Variants in GPAM observed in about 807,000 individuals in gnomAD.
The protein encoded by GPAM is glycerol-3-phosphate acyltransferase 1, mitochondrial.
GPAM carries 56 observed loss-of-function variants against 105.0 expected under a neutral mutation model. That is an observed-to-expected ratio of 0.53 (90% CI 0.43 to 0.67). The LOEUF is 0.67. GPAM is among the 30% of genes least tolerant of loss of function. The probability of loss-of-function intolerance (pLI) is 0.00; values close to 1 mark genes in which losing one functional copy is unlikely to be tolerated. For synonymous variants in GPAM, 368 were observed against 354.4 expected (o/e 1.04, Z -0.43); for missense variants, 855 against 989.8 (o/e 0.86, Z 1.83).
At chr10:112,179,173 T>C (rs745901065) in intron 4 of GPAM, among the ~76,000 whole-genome samples, 4 of 152,194 alleles carry the variant, frequency 2.6e-5, no homozygotes, top group South Asian at 2.1e-4. Context: ...GATCATGTCA[T>C]GGAAGTAATT....
upstream of GPAM, among the ~76,000 whole-genome samples, chr10:112,185,575 C>CACACACACAG (rs1847584722): frequency 1.6e-3 from 1 of 628 alleles, no homozygotes; most frequent in African/African-American, 4.5e-3. Context: ...CACACAGACA[C>CACACACACAG]ACACACACAC....
chr10:112,175,915 A>G (rs1003689800), intron 5 of GPAM, among the ~76,000 whole-genome samples: 1 of 152,200 alleles, frequency 6.6e-6, no homozygotes, highest in African/African-American at 2.4e-5. Flanking sequence ...TAAAACTGAA[A>G]CTTGGAATTT....
chr10:112,199,732 G>C (rs1357142098), intron 1 of GPAM, among the ~76,000 whole-genome samples: 12 of 152,138 alleles, frequency 7.9e-5, no homozygotes, highest in Admixed American at 7.9e-4. Context: ...AGGTAAATGA[G>C]GAGCAAAGTC....
intron 5 of GPAM, 49 bp from the exon 6 acceptor site, chr10:112,175,762 G>T: frequency 8.7e-7 from 1 of 1,145,566 alleles, no homozygotes; most frequent in Non-Finnish European, 1.3e-6. Context: ...CCTAAAACAA[G>T]TTGCTTAAAT....
rs150134813 is a variant in GPAM at position 112,153,828 on chromosome 10, T to C, written c.2371-162A>G. 5,823 of 701,168 alleles carry C rather than the reference T, an allele frequency of 8.3e-3. 76 individuals carry two copies. Among genetic ancestry groups the C allele is most frequent in the Non-Finnish European group, 8.5e-3 (3,621 of 428,416 alleles). 43.4% of individuals were successfully genotyped at this position (701,168 alleles called of 1,614,324 possible). A position where few individuals can be genotyped will look rare whatever the true frequency, so the allele number is the denominator to read the frequency against. ...ATGTATGCCTGGGTGTGTGTGAGCA[T>C]GAGGTGGGAGTTTCCAATGCAAACA... On this transcript the variant is annotated intron_variant, in intron 21 of 21. Coordinates refer to ENST00000348367, the MANE Select transcript of GPAM (RefSeq NM_001244949.2).
intron 1 of GPAM, among the ~76,000 whole-genome samples, chr10:112,203,847 C>A (rs761437656): frequency 6.6e-5 from 10 of 152,172 alleles, no homozygotes; most frequent in Non-Finnish European, 1.2e-4. Flanking sequence ...GAGTAGGTGG[C>A]AAAGCTGGGA....
chr10:112,159,042 A>G (rs1204137317), intron 17 of GPAM, among the ~76,000 whole-genome samples: 1 of 152,124 alleles, frequency 6.6e-6, no homozygotes, highest in Non-Finnish European at 1.5e-5. Context: ...GAATTCAAAT[A>G]AAATATGAAT....
chr10:112,207,810 C>T (rs1327184130), intron 1 of GPAM, among the ~76,000 whole-genome samples: 1 of 152,136 alleles, frequency 6.6e-6, no homozygotes, highest in African/African-American at 2.4e-5. Context: ...AAGCACTCAA[C>T]CCAAGCATGA....
rs61559173 is a variant in GPAM at position 112,173,219 on chromosome 10, C to G, written c.561-153G>C. 3.3e-5 allele frequency among the ~76,000 whole-genome samples: 5 copies of G among 151,350 alleles called. No individual in the cohort carries two copies. The East Asian group carries it at 9.8e-4, about 30-fold the overall frequency. ...CTTAGTGTGTGTGCACATGCATGCACGTATGTCTGAATTGCTGAACTAGAG... is the reference window on the plus strand; with the variant it reads ...CTTAGTGTGTGTGCACATGCATGCAGGTATGTCTGAATTGCTGAACTAGAG... On this transcript the variant is annotated intron_variant, in intron 7 of 21. Transcript: ENST00000348367.
At chr10:112,166,873 C>T (rs968013813) in intron 11 of GPAM, among the ~76,000 whole-genome samples, 2 of 152,070 alleles carry the variant, frequency 1.3e-5, no homozygotes, top group Non-Finnish European at 2.9e-5. Context: ...AATAAAACAT[C>T]AAAGAGGCCA....
intron 1 of GPAM, chr10:112,214,175 C>G (rs1229303956): frequency 6.6e-6 from 1 of 152,146 alleles, no homozygotes; most frequent in Non-Finnish European, 1.5e-5. Flanking sequence ...TGGATACCAA[C>G]ACTGGGAATT....
chr10:112,178,328 T>G (rs61872276), intron 4 of GPAM, among the ~76,000 whole-genome samples: 16,967 of 152,124 alleles, frequency 0.11, 1,099 homozygotes, highest in South Asian at 0.2. Flanking sequence ...AGCGGGCAGA[T>G]CACCTGAGGT....
At chr10:112,213,017 C>G (rs1847929592) in intron 1 of GPAM, among the ~76,000 whole-genome samples, 1 of 152,214 alleles carries the variant, frequency 6.6e-6, no homozygotes, top group South Asian at 2.1e-4. Context: ...CAGAGCAGAT[C>G]TCAGAACTGA....
intron 1 of GPAM, among the ~76,000 whole-genome samples, chr10:112,183,385 C>G (rs1296566523): frequency 6.6e-6 from 1 of 152,254 alleles, no homozygotes; most frequent in Non-Finnish European, 1.5e-5. Context: ...TCCCTAGGGA[C>G]CCAGGCGGGC....
At chr10:112,197,223 C>T (rs1249142396) in intron 1 of GPAM, among the ~76,000 whole-genome samples, 1 of 152,126 alleles carries the variant, frequency 6.6e-6, no homozygotes, top group Non-Finnish European at 1.5e-5. Context: ...GAAATTTTAA[C>T]CTCCCAGAGA....
intron 15 of GPAM, 84 bp downstream of exon 15, chr10:112,161,583 A>C (rs1224690129): frequency 8.9e-7 from 1 of 1,126,570 alleles, no homozygotes; most frequent in African/African-American, 1.5e-5. Context: ...GAGTGGGCCA[A>C]ATCTGCCCCT....
intron 10 of GPAM, 136 bp downstream of exon 10, chr10:112,168,717 A>C: frequency 1.3e-6 from 1 of 753,904 alleles, no homozygotes; most frequent in Non-Finnish European, 2.3e-6. Flanking sequence ...ACAACAACAA[A>C]TTACCAAACT....
At chr10:112,180,279 A>T (rs914140391) in intron 4 of GPAM, among the ~76,000 whole-genome samples, 194 bp downstream of exon 4, 2 of 152,228 alleles carry the variant, frequency 1.3e-5, no homozygotes, top group Non-Finnish European at 2.9e-5. Context: ...ACCTAGTATC[A>T]ATTATGGGAC....
chr10:112,162,031 A>G (rs1286555771), intron 14 of GPAM, among the ~76,000 whole-genome samples: 1 of 152,222 alleles, frequency 6.6e-6, no homozygotes, highest in Non-Finnish European at 1.5e-5. Flanking sequence ...TTATTGAAAT[A>G]TCAAGACCCA....
Sources: gnomAD v4.1 joint callset for allele counts (sites outside exome capture counted in the v4.1 genomes callset) on GRCh38, gnomAD v4.1.1 for gene constraint, MANE v1.5 for transcripts, NCBI Gene and HGNC (gene_info 2026-07-23, HGNC 2026-07-21) for gene names.